The following DNMT1 variants were observed in gnomAD, a reference collection of about 807,000 sequenced individuals.
The protein encoded by DNMT1 is DNA methyltransferase 1, also known as DNA (cytosine-5)-methyltransferase 1.
Under a neutral mutation model 205.3 loss-of-function variants are expected in DNMT1, and 24 were observed. The ratio of observed to expected loss-of-function variants is 0.12; its 90% confidence interval spans 0.08 to 0.16. The LOEUF (loss-of-function observed/expected upper bound fraction) is 0.16. Ranked by LOEUF, DNMT1 falls within the 10% of genes least tolerant of loss-of-function variation. DNMT1 has a pLI of 1.00. For missense variants in DNMT1, 1,293 were observed against 2,177.7 expected (o/e 0.59, Z 8.09); for synonymous variants, 817 against 839.8 (o/e 0.97, Z 0.47).
Position 10,163,991 on chromosome 19 carries a change from G to A in DNMT1, c.892-631C>T, listed in dbSNP as rs576805584. 7.2e-5 allele frequency among the ~76,000 whole-genome samples: 11 copies of A among 152,248 alleles called. No homozygotes were observed. In the East Asian group the frequency reaches 2.1e-3, roughly 29 times the overall value. On this transcript the variant is annotated intron_variant, in intron 11 of 40. Transcript: ENST00000359526. Reference sequence around the variant, plus strand: ...GCTCCTCCCCAGGTTCAGAGGACAGGCTGCCTCTCCTGTCTTCACTGCAGG... The same window carrying A: ...GCTCCTCCCCAGGTTCAGAGGACAGACTGCCTCTCCTGTCTTCACTGCAGG...
chr19:10,166,172 C>T (rs1426444160), intron 11 of DNMT1, among the ~76,000 whole-genome samples: 2 of 152,124 alleles, frequency 1.3e-5, no homozygotes, highest in Non-Finnish European at 2.9e-5. Flanking sequence ...AACGCATGCA[C>T]TTGGCTAAAC....
intron 1 of DNMT1, among the ~76,000 whole-genome samples, chr19:10,189,545 G>C (rs140598412): frequency 6.6e-6 from 1 of 151,390 alleles, no homozygotes; most frequent in African/African-American, 2.4e-5. Flanking sequence ...TCTGCCTCCC[G>C]AGTAGCTGGG....
In DNMT1 at chr19:10,137,091, C is replaced by T. The variant is rs781301028; in HGVS notation, c.4483G>A (p.Val1495Met). ...SGALRGVCSCVEAGKACDPAA... is the reference protein window; with the variant it reads ...SGALRGVCSCMEAGKACDPAA... ...CACAACTTACAGGACCCACCTTCCA[C>T]GCAGGAGCAGACCCCACGGAGGGCC... Residue 1495 changes from valine to methionine, a missense_variant, in exon 37 of 41, where the codon GTG becomes ATG. Coordinates refer to ENST00000359526, the MANE Select transcript of DNMT1 (RefSeq NM_001130823.3). The surrounding 1 kb of genome is among the most constrained non-coding windows in gnomAD (Gnocchi z 6.4). The T allele has an allele frequency of 9.2e-5, 148 of 1,611,884 alleles. No individual in the cohort carries two copies. Among genetic ancestry groups the T allele is most frequent in the Non-Finnish European group, 1.2e-4 (138 of 1,179,552 alleles).
intron 11 of DNMT1, among the ~76,000 whole-genome samples, chr19:10,163,854 G>C (rs758039337): frequency 2.0e-5 from 3 of 152,090 alleles, no homozygotes; most frequent in Admixed American, 1.3e-4. Flanking sequence ...GCCAGCCTGG[G>C]CAACATGCTG....
At position 10,174,413 on chromosome 19, in the gene DNMT1, C is replaced by CAAAGA. The variant is rs199940699; in HGVS notation, c.649-513_649-509dup. ...CCTGGTGACAGAATGAGACCTGTCT[C>CAAAGA]AAAGAAAAGAAAAGAAAAGAAAAAA... On this transcript the variant is annotated intron_variant, in intron 7 of 40. Coordinates refer to ENST00000359526, the MANE Select transcript of DNMT1 (RefSeq NM_001130823.3). 4.7e-3 allele frequency among the ~76,000 whole-genome samples: 719 copies of CAAAGA among 151,700 alleles called. 7 individuals are homozygous for CAAAGA. Among genetic ancestry groups the CAAAGA allele is most frequent in the African/African-American group, 0.015 (604 of 41,378 alleles).
chr19:10,148,508 A>AG (rs2038256200), intron 27 of DNMT1, among the ~76,000 whole-genome samples: 1 of 151,494 alleles, frequency 6.6e-6, no homozygotes, highest in African/African-American at 2.4e-5. Context: ...AAAAAAAAAA[A>AG]GAAAAAAAAA....
chr19:10,160,474 T>A, intron 13 of DNMT1, 56 bp from the exon 14 acceptor site: 1 of 1,589,890 alleles, frequency 6.3e-7, no homozygotes. Context: ...TACACCCAGA[T>A]AGTGCTTCGG....
intron 12 of DNMT1, 191 bp from the exon 13 acceptor site, chr19:10,162,939 C>T (rs2038606616): frequency 1.6e-6 from 1 of 607,908 alleles, no homozygotes; most frequent in Admixed American, 2.9e-5. Context: ...CACACATCTA[C>T]ATCACCACAG....
At chr19:10,183,490 C>A (rs529513048) in intron 1 of DNMT1, among the ~76,000 whole-genome samples, 1 of 152,132 alleles carries the variant, frequency 6.6e-6, no homozygotes. Flanking sequence ...GAGGCCAAGG[C>A]GAGCGGATCA....
chr19:10,156,244 G>A lies in DNMT1; in HGVS notation c.1399+147C>T. ...TTTTTTTTAATAGAGGCAGGCTCTT[G>A]CTATGTTGTCCAGGCTCGTCTCAAA... is the stretch of plus-strand genomic sequence containing the variant. On this transcript the variant is annotated intron_variant, in intron 18 of 40. Transcript: ENST00000359526. This position sits in a 1 kb window ranked among gnomAD's most constrained non-coding sequence, Gnocchi z 4.2. The A allele has an allele frequency of 1.5e-6, 1 of 672,700 alleles. No homozygotes were observed. The highest frequency in any genetic ancestry group is 2.1e-5 in the Admixed American group (1 of 47,712). 41.7% of individuals were successfully genotyped at this position (672,700 alleles called of 1,614,324 possible).
Position 10,154,110 on chromosome 19 carries a change from C to T in DNMT1, c.2019+183G>A, listed in dbSNP as rs2038404830. Among the ~76,000 whole-genome samples the T allele has an allele frequency of 6.6e-6, 1 of 152,198 alleles. No individual in the cohort carries two copies. Among genetic ancestry groups the T allele is most frequent in the Non-Finnish European group, 1.5e-5 (1 of 68,032 alleles). On this transcript the variant is annotated intron_variant, in intron 22 of 40. Transcript: ENST00000359526. This position sits in a 1 kb window ranked among gnomAD's most constrained non-coding sequence, Gnocchi z 6.3. The stretch of plus-strand genomic sequence containing the variant: ...CACCCAAGCATGCCTCTGTGGACAT[C>T]TGTCCTATTGACGTTCAATGAAGTA...
intron 37 of DNMT1, 96 bp downstream of exon 37, chr19:10,136,989 G>A (rs1049115833): frequency 4.9e-5 from 74 of 1,504,790 alleles, no homozygotes; most frequent in Non-Finnish European, 6.5e-5. Flanking sequence ...TGGTGTGTCT[G>A]TGCCCTGCCC....
chr19:10,193,894 A>T (rs2039349253), intron 1 of DNMT1, among the ~76,000 whole-genome samples: 1 of 152,238 alleles, frequency 6.6e-6, no homozygotes, highest in South Asian at 2.1e-4. Flanking sequence ...TCAGGAATGA[A>T]CTGATGGCGT....
At chr19:10,158,793 C>T (rs1280137053) in intron 17 of DNMT1, among the ~76,000 whole-genome samples, 1 of 152,230 alleles carries the variant, frequency 6.6e-6, no homozygotes, top group African/African-American at 2.4e-5. Context: ...CATTCACCTT[C>T]CACAGCTGGC....
At chr19:10,155,285 C>A (rs565896989) in intron 19 of DNMT1, among the ~76,000 whole-genome samples, 1 of 152,108 alleles carries the variant, frequency 6.6e-6, no homozygotes, top group African/African-American at 2.4e-5. Flanking sequence ...TTGAGCTCAT[C>A]TCTGGTGTTT....
In DNMT1 at chr19:10,149,570, G is replaced by A. The variant is rs771873513; in HGVS notation, c.2469C>T (p.Ala823=). The A allele has an allele frequency of 1.9e-6, 3 of 1,613,724 alleles. No homozygotes were observed. The highest frequency in any genetic ancestry group is 1.3e-5 in the African/African-American group (1 of 74,888). Residue 823 remains alanine (A), a synonymous_variant, in exon 26 of 41, where the codon GCC becomes GCT. Transcript: ENST00000359526. ...AGAACAGCTCCAGAGGGTCCGACGT[G>A]GCCCCGAGGACTGTGTCTGTCCCAG... ...FCAGTDTVLG[A]TSDPLELFLV...
chr19:10,151,869 G>T lies in DNMT1; in HGVS notation c.2020-22C>A. On this transcript the variant is annotated intron_variant, in intron 22 of 40. Transcript: ENST00000359526. The surrounding 1 kb of genome is among the most constrained non-coding windows in gnomAD (Gnocchi z 5.0). Reference sequence around the variant, plus strand: ...ACACCTAAAAAATGGCATTAAAAAGGCAAATCAGGGCTGGGCACAGTGGTT... The same window carrying T: ...ACACCTAAAAAATGGCATTAAAAAGTCAAATCAGGGCTGGGCACAGTGGTT... 1 of 1,609,754 alleles carries T rather than the reference G, an allele frequency of 6.2e-7. No homozygotes were observed. The highest frequency in any genetic ancestry group is 8.5e-7 in the Non-Finnish European group (1 of 1,176,346).
Position 10,194,906 on chromosome 19 carries a change from G to A in DNMT1, c.-7C>T, listed in dbSNP as rs1034401836. On this transcript the variant is annotated 5_prime_UTR_variant, in exon 1 of 41. Coordinates refer to ENST00000359526, the MANE Select transcript of DNMT1 (RefSeq NM_001130823.3). The stretch of plus-strand genomic sequence containing the variant: ...GGGCGGTACGCGCCGGCATCTCGGA[G>A]GCTTCAGCAGACGCGGCGGCGGCAG... 7.5e-6 allele frequency: 12 copies of A among 1,603,820 alleles called. No homozygotes were observed. The highest frequency in any genetic ancestry group is 1.0e-5 in the Non-Finnish European group (12 of 1,174,920).
chr19:10,159,064 C>T lies in DNMT1; in HGVS notation c.1280+594G>A, dbSNP rs781257969. Among the ~76,000 whole-genome samples, 9 of 152,156 alleles carry T rather than the reference C, an allele frequency of 5.9e-5. No individual in the cohort carries two copies. The highest frequency in any genetic ancestry group is 3.2e-3 in the Middle Eastern group (1 of 316). On this transcript the variant is annotated intron_variant, in intron 17 of 40. Transcript: ENST00000359526. The surrounding 1 kb of genome is among the most constrained non-coding windows in gnomAD (Gnocchi z 5.0). ...GGCAGGACCTGAGCAGCTACATCCA[C>T]GACACCTAGATCACTGGTACCTAGC...
Sources: allele counts gnomAD v4.1 joint callset (sites outside exome capture counted in the v4.1 genomes callset), GRCh38; gene constraint gnomAD v4.1.1; non-coding constraint Gnocchi (gnomAD v3.1); transcripts MANE v1.5; gene names NCBI Gene and HGNC (gene_info 2026-07-23, HGNC 2026-07-21).